The following CDH4 variants were observed in gnomAD, a reference collection of about 807,000 sequenced individuals.
CDH4 encodes the protein cadherin 4, also known as cadherin-4.
A neutral mutation model predicts 86.0 loss-of-function variants in CDH4; 33 were observed. The observed-to-expected ratio is 0.38, with a 90% CI of 0.29 to 0.51. CDH4 has a LOEUF of 0.51. Ranked by LOEUF, CDH4 falls within the 20% of genes least tolerant of loss-of-function variation. CDH4 has a pLI of 0.86. For missense variants in CDH4, 1,114 were observed against 1,307.4 expected, an observed-to-expected ratio of 0.85 and a Z score of 2.28; for synonymous variants, 555 against 549.4, an observed-to-expected ratio of 1.01 and a Z score of -0.14.
intron 8 of CDH4, among the ~76,000 whole-genome samples, chr20:61,896,375 G>T (rs1398588759): frequency 1.3e-5 from 2 of 152,244 alleles, no homozygotes; most frequent in East Asian, 3.9e-4. Flanking sequence ...TCCCGCATCT[G>T]GGCCTCCTGC....
chr20:61,570,978 G>C (rs2086337666), intron 2 of CDH4, among the ~76,000 whole-genome samples: 1 of 152,188 alleles, frequency 6.6e-6, no homozygotes, highest in African/African-American at 2.4e-5. Flanking sequence ...TTTGTAGCTG[G>C]AAGATTCGCC....
intron 3 of CDH4, among the ~76,000 whole-genome samples, chr20:61,760,980 C>T (rs115174940): frequency 0.014 from 2,064 of 152,230 alleles, 47 homozygotes; most frequent in African/African-American, 0.045. Context: ...TGTTGAATAC[C>T]ATTTTATTCC....
chr20:61,499,447 T>C (rs1374601222), intron 2 of CDH4: 6 of 1,288,966 alleles, frequency 4.7e-6, no homozygotes, highest in Admixed American at 2.3e-5. Context: ...GAACGGCAGC[T>C]GTGACTTCAT....
intron 3 of CDH4, among the ~76,000 whole-genome samples, chr20:61,752,223 T>C (rs2088505647): frequency 6.7e-6 from 1 of 149,022 alleles, no homozygotes; most frequent in Non-Finnish European, 1.5e-5. Context: ...TCCCAGCTAC[T>C]AGGGAGTCTC....
At chr20:61,782,515 TTTTCTTTTAA>T (rs1978602851) in intron 4 of CDH4, among the ~76,000 whole-genome samples, 1 of 152,140 alleles carries the variant, frequency 6.6e-6, no homozygotes, top group African/African-American at 2.4e-5. Flanking sequence ...AGATTATCAT[TTTTCTTTTAA>T]TTTCTTTTAA....
chr20:61,599,366 G>A (rs1175105317), intron 2 of CDH4, among the ~76,000 whole-genome samples: 1 of 152,196 alleles, frequency 6.6e-6, no homozygotes, highest in Non-Finnish European at 1.5e-5. Flanking sequence ...GTGCCTGAGG[G>A]ACAGGCAAGT....
intron 4 of CDH4, among the ~76,000 whole-genome samples, chr20:61,820,685 C>T (rs1352989131): frequency 2.0e-5 from 3 of 152,322 alleles, no homozygotes; most frequent in Middle Eastern, 3.4e-3. Flanking sequence ...GCCCTCGCAG[C>T]CCCTCAAGGC....
chr20:61,809,233 A>G (rs1403856838), intron 4 of CDH4, among the ~76,000 whole-genome samples: 1 of 152,154 alleles, frequency 6.6e-6, no homozygotes, highest in Non-Finnish European at 1.5e-5. Context: ...ATGACCCGCC[A>G]TGGTGGTCCC....
At chr20:61,647,043 T>C (rs117266170) in intron 2 of CDH4, among the ~76,000 whole-genome samples, 2 of 152,288 alleles carry the variant, frequency 1.3e-5, no homozygotes, top group Non-Finnish European at 1.5e-5. Context: ...TTCTTGACAA[T>C]TATGCAAAAT....
At position 61,501,667 on chromosome 20, in the gene CDH4, T is replaced by A. The variant is rs1000725680; in HGVS notation, c.170-241896T>A. Among the ~76,000 whole-genome samples the A allele has an allele frequency of 1.3e-5, 2 of 152,116 alleles. No individual in the cohort carries two copies. Among genetic ancestry groups the A allele is most frequent in the African/African-American group, 4.8e-5 (2 of 41,432 alleles). On this transcript the variant is annotated intron_variant, in intron 2 of 15. Transcript: ENST00000614565. This position sits in a 1 kb window ranked among gnomAD's most constrained non-coding sequence, Gnocchi z 4.2. ...CAGAAGCAGCGTGTTCCGGAAAGCA[T>A]GCCGTGCCCTGTGAACTAGAAGAGG... is the stretch of plus-strand genomic sequence containing the variant.
Position 61,399,323 on chromosome 20 carries a change from G to C in CDH4, c.169+144386G>C. Reference sequence around the variant, plus strand: ...AATTTTTTGTATTTTTAGTAGAGACGGGGTTTCACCTTGTTAGCCAGGATG... The same window carrying C: ...AATTTTTTGTATTTTTAGTAGAGACCGGGTTTCACCTTGTTAGCCAGGATG... On this transcript the variant is annotated intron_variant, in intron 2 of 15. Transcript: ENST00000614565. Among the ~76,000 whole-genome samples, 2 of 67,574 alleles carry C rather than the reference G, an allele frequency of 3.0e-5. 1 individual carries two copies. The highest frequency in any genetic ancestry group is 8.7e-4 in the South Asian group (2 of 2,290). The allele number at this position is 67,574 out of a possible 152,430, so 44.3% of individuals were successfully genotyped here.
chr20:61,693,254 G>A (rs1199662577), intron 2 of CDH4, among the ~76,000 whole-genome samples: 1 of 151,660 alleles, frequency 6.6e-6, no homozygotes, highest in Non-Finnish European at 1.5e-5. Context: ...AGTGCAGGGG[G>A]CCACGTCGGG....
intron 7 of CDH4, among the ~76,000 whole-genome samples, chr20:61,893,397 AGG>A (rs1348525694): frequency 6.7e-6 from 1 of 149,992 alleles, no homozygotes; most frequent in Non-Finnish European, 1.5e-5. Flanking sequence ...GGGTGAATAG[AGG>A]GATGGTGGAT....
rs527558580 is a variant in CDH4 at position 61,354,581 on chromosome 20, A to T, written c.169+99644A>T. On this transcript the variant is annotated intron_variant, in intron 2 of 15. Transcript: ENST00000614565. The stretch of plus-strand genomic sequence containing the variant: ...ACTTCCAGGCTTTCCCTTGCCCCAC[A>T]TCTGAGGGGCTGTCCTGACCCCTCC... Among the ~76,000 whole-genome samples, 252 of 152,302 alleles carry T rather than the reference A, an allele frequency of 1.7e-3. 1 individual carries two copies. The highest frequency in any genetic ancestry group is 5.7e-3 in the African/African-American group (236 of 41,568).
rs1568688277 is a variant in CDH4, at chr20:61,565,184, G to GTGCTCTTGGTGGTGC, written c.170-178377_170-178376insCTCTTGGTGGTGCTG. ...TCTTGGTGATGGGGTGGTGGTGGTG[G>GTGCTCTTGGTGGTGC]TGGTCCTCTTGGTGGTGGTCGCGGT... On this transcript the variant is annotated intron_variant, in intron 2 of 15. Coordinates refer to ENST00000614565, the MANE Select transcript of CDH4 (RefSeq NM_001794.5). 4.8e-5 allele frequency among the ~76,000 whole-genome samples: 4 copies of GTGCTCTTGGTGGTGC among 82,622 alleles called. 1 individual carries two copies. The highest frequency in any genetic ancestry group is 1.9e-4 in the African/African-American group (4 of 20,684). The allele number at this position is 82,622 out of a possible 152,430, so 54.2% of individuals were successfully genotyped here.
chr20:61,905,501 G>A (rs1395036487), intron 8 of CDH4, among the ~76,000 whole-genome samples: 1 of 152,134 alleles, frequency 6.6e-6, no homozygotes, highest in East Asian at 1.9e-4. Context: ...GGATGTGAGG[G>A]GCCACAAAAT....
chr20:61,820,012 G>A (rs555146974), intron 4 of CDH4, among the ~76,000 whole-genome samples: 9 of 152,268 alleles, frequency 5.9e-5, no homozygotes, highest in African/African-American at 9.6e-5. Flanking sequence ...GACTTTTCCC[G>A]GGGACCGTGT....
intron 2 of CDH4, among the ~76,000 whole-genome samples, chr20:61,337,727 C>T (rs947477040): frequency 2.6e-5 from 4 of 152,066 alleles, no homozygotes; most frequent in African/African-American, 9.7e-5. Flanking sequence ...CATTCCATGA[C>T]CTTCATAATC....
chr20:61,442,443 A>G (rs749638531), intron 2 of CDH4, among the ~76,000 whole-genome samples: 105 of 152,210 alleles, frequency 6.9e-4, no homozygotes, highest in Non-Finnish European at 1.1e-3. Context: ...GTGGCTTTAA[A>G]AGAATAACAG....
Sources: allele counts gnomAD v4.1 joint callset (sites outside exome capture counted in the v4.1 genomes callset), GRCh38; gene constraint gnomAD v4.1.1; non-coding constraint Gnocchi (gnomAD v3.1); transcripts MANE v1.5; gene names NCBI Gene and HGNC (gene_info 2026-07-23, HGNC 2026-07-21).